Variants in NPAS3 observed in about 807,000 individuals in gnomAD.
NPAS3 encodes the protein neuronal PAS domain protein 3.
Under a neutral mutation model 73.1 loss-of-function variants are expected in NPAS3, and 14 were observed. That is an observed-to-expected ratio of 0.19 (90% CI 0.13 to 0.30). The LOEUF is 0.30. NPAS3 is among the 10% of genes least tolerant of loss of function. The pLI, the probability that NPAS3 is intolerant of heterozygous loss-of-function variation, is 1.00. For missense variants in NPAS3, 1,096 were observed against 1,250.0 expected (o/e 0.88, Z 1.86); for synonymous variants, 620 against 541.5 (o/e 1.14, Z -2.01).
At chr14:33,301,334 T>G (rs977534203) in intron 3 of NPAS3, among the ~76,000 whole-genome samples, 1 of 75,198 alleles carries the variant, frequency 1.3e-5, no homozygotes, top group African/African-American at 5.9e-5. Context: ...TTTTTTTTTT[T>G]AAATCTAGCT....
chr14:33,223,125 C>G (rs2047494704), intron 3 of NPAS3, among the ~76,000 whole-genome samples: 1 of 152,086 alleles, frequency 6.6e-6, no homozygotes, highest in Non-Finnish European at 1.5e-5. Context: ...GCCTGGCCAA[C>G]ATGGTGAAAC....
intron 3 of NPAS3, among the ~76,000 whole-genome samples, chr14:33,275,376 T>G (rs2041282676): frequency 6.6e-6 from 1 of 152,196 alleles, no homozygotes; most frequent in African/African-American, 2.4e-5. Context: ...AGTCATAATA[T>G]TAATACTTAA....
intron 2 of NPAS3, among the ~76,000 whole-genome samples, chr14:33,200,009 T>C (rs2046553661): frequency 6.9e-6 from 1 of 144,808 alleles, no homozygotes; most frequent in Non-Finnish European, 1.5e-5. Context: ...ATCACTTATT[T>C]TGAGGGGACT....
At chr14:33,483,192 A>C (rs2051413065) in intron 4 of NPAS3, among the ~76,000 whole-genome samples, 1 of 152,206 alleles carries the variant, frequency 6.6e-6, no homozygotes. Context: ...ATGAAACTTC[A>C]GCGTAACTTA....
intron 5 of NPAS3, among the ~76,000 whole-genome samples, chr14:33,627,301 AGATACATTCT>A (rs1320623416): frequency 1.3e-5 from 2 of 152,184 alleles, no homozygotes; most frequent in African/African-American, 2.4e-5. Flanking sequence ...TACTGAATAA[AGATACATTCT>A]GATACCCTCT....
intron 5 of NPAS3, among the ~76,000 whole-genome samples, chr14:33,623,019 T>C (rs1451497993): frequency 6.6e-6 from 1 of 152,026 alleles, no homozygotes; most frequent in Admixed American, 6.6e-5. Context: ...CGTTAAGGTG[T>C]AGTTCAGGGG....
chr14:33,548,392 C>T (rs540005134), intron 4 of NPAS3, among the ~76,000 whole-genome samples: 3 of 152,252 alleles, frequency 2.0e-5, no homozygotes, highest in South Asian at 2.1e-4. Context: ...AATCATTGTG[C>T]ACATTAGAAT....
intron 4 of NPAS3, among the ~76,000 whole-genome samples, chr14:33,453,770 C>T (rs1440197): frequency 0.55 from 83,810 of 152,092 alleles, 24,968 homozygotes; most frequent in East Asian, 0.7. Context: ...ATCCTCCTTA[C>T]CTGGAGACCC....
At chr14:33,742,502 T>C (rs920822815) in intron 7 of NPAS3, among the ~76,000 whole-genome samples, 1 of 152,240 alleles carries the variant, frequency 6.6e-6, no homozygotes, top group Non-Finnish European at 1.5e-5. Flanking sequence ...CATATCTTAA[T>C]TTAACAATAA....
At chr14:33,538,869 C>T (rs2054375817) in intron 4 of NPAS3, among the ~76,000 whole-genome samples, 1 of 152,156 alleles carries the variant, frequency 6.6e-6, no homozygotes, top group African/African-American at 2.4e-5. Context: ...TCAAACCTTA[C>T]CCACCCCCAA....
chr14:33,206,485 A>G (rs1406083221), intron 2 of NPAS3, among the ~76,000 whole-genome samples: 2 of 152,162 alleles, frequency 1.3e-5, no homozygotes, highest in Non-Finnish European at 1.5e-5. Flanking sequence ...AAAATTTAAA[A>G]ACTCATACAG....
chr14:33,719,104 G>C (rs1197403354), intron 6 of NPAS3, among the ~76,000 whole-genome samples: 1 of 152,154 alleles, frequency 6.6e-6, no homozygotes, highest in Non-Finnish European at 1.5e-5. Context: ...CTACAACCTT[G>C]GTGACAGAGC....
At chr14:33,087,050 T>C (rs990399371) in intron 2 of NPAS3, among the ~76,000 whole-genome samples, 1 of 150,964 alleles carries the variant, frequency 6.6e-6, no homozygotes, top group Non-Finnish European at 1.5e-5. Flanking sequence ...AAACATTAAA[T>C]GTGGCAGCAG....
chr14:33,654,245 A>C (rs1256162129), intron 5 of NPAS3, among the ~76,000 whole-genome samples: 5 of 152,092 alleles, frequency 3.3e-5, no homozygotes, highest in Admixed American at 2.6e-4. Flanking sequence ...AATTAATCTC[A>C]GTTACATAAG....
intron 2 of NPAS3, among the ~76,000 whole-genome samples, chr14:33,193,817 G>A (rs1330973386): frequency 6.6e-6 from 1 of 152,184 alleles, no homozygotes; most frequent in East Asian, 1.9e-4. Context: ...TGGAGTGGAT[G>A]CAAGAAGCTG....
intron 5 of NPAS3, among the ~76,000 whole-genome samples, chr14:33,647,269 A>ACTCTCT (rs536728235): frequency 2.4e-4 from 35 of 148,056 alleles, no homozygotes; most frequent in African/African-American, 8.5e-4. Context: ...ACATCTTCTT[A>ACTCTCT]CTCTCTCTCT....
chr14:33,151,332 T>C (rs986446559), intron 2 of NPAS3, among the ~76,000 whole-genome samples: 1 of 152,202 alleles, frequency 6.6e-6, no homozygotes, highest in Non-Finnish European at 1.5e-5. Flanking sequence ...GCATGTGTTA[T>C]TTTAACGTAA....
intron 4 of NPAS3, among the ~76,000 whole-genome samples, chr14:33,498,805 G>A (rs191150818): frequency 4.6e-5 from 7 of 152,070 alleles, no homozygotes; most frequent in Non-Finnish European, 7.4e-5. Flanking sequence ...TGCATGTTCC[G>A]CACACGTATC....
chr14:33,632,118 C>A (rs557046347), intron 5 of NPAS3, among the ~76,000 whole-genome samples: 1 of 152,282 alleles, frequency 6.6e-6, no homozygotes, highest in South Asian at 2.1e-4. Context: ...ATCTGTGTAA[C>A]TGATAACTAG....
Sources: allele counts gnomAD v4.1 joint callset (sites outside exome capture counted in the v4.1 genomes callset), GRCh38; gene constraint gnomAD v4.1.1; transcripts MANE v1.5; gene names NCBI Gene and HGNC (gene_info 2026-07-23, HGNC 2026-07-21).